The following KCNT1 variants were observed in gnomAD, a reference collection of about 807,000 sequenced individuals.
The protein encoded by KCNT1 is potassium sodium-activated channel subfamily T member 1.
In KCNT1, 78 loss-of-function variants were observed where a neutral mutation model predicts 147.8. The observed-to-expected ratio is 0.53, with a 90% CI of 0.44 to 0.64. The LOEUF (loss-of-function observed/expected upper bound fraction) is 0.64. Among genes scored for constraint, KCNT1 ranks in the 30% least tolerant of loss-of-function variants. The probability of loss-of-function intolerance (pLI) is 0.00; values close to 1 mark genes in which losing one functional copy is unlikely to be tolerated. For missense variants in KCNT1, 1,419 were observed against 1,750.3 expected (o/e 0.81, Z 3.38); for synonymous variants, 867 against 748.8 (o/e 1.16, Z -2.58).
chr9:135,777,033 T>C (rs1253845401), intron 20 of KCNT1, among the ~76,000 whole-genome samples: 2 of 152,344 alleles, frequency 1.3e-5, no homozygotes, highest in East Asian at 3.9e-4. Context: ...CGTGTGTGCA[T>C]ACACATGACA....
intron 21 of KCNT1, among the ~76,000 whole-genome samples, chr9:135,778,146 C>G (rs1019715253): frequency 6.6e-6 from 1 of 152,214 alleles, no homozygotes; most frequent in South Asian, 2.1e-4. Context: ...CTCCTGGGCA[C>G]CTTTTTGCCC....
intron 2 of KCNT1, among the ~76,000 whole-genome samples, chr9:135,720,769 G>A (rs995804329): frequency 2.0e-5 from 3 of 152,244 alleles, no homozygotes; most frequent in Non-Finnish European, 4.4e-5. Flanking sequence ...GTTTCTGCGT[G>A]AAGGCGTGAG....
chr9:135,767,353 G>A (rs1178536735), intron 13 of KCNT1, among the ~76,000 whole-genome samples: 3 of 152,200 alleles, frequency 2.0e-5, no homozygotes, highest in South Asian at 2.1e-4. Context: ...GGGCCCCTGC[G>A]GAGCAGACAG....
rs373489390 is a variant in KCNT1 at position 135,758,297 on chromosome 9, G to T, written c.760-117G>T. 8.8e-5 allele frequency: 67 copies of T among 758,348 alleles called. 1 individual carries two copies. In the East Asian group the frequency reaches 1.7e-3, roughly 19 times the overall value. 47.0% of individuals were successfully genotyped at this position (758,348 alleles called of 1,614,324 possible). On this transcript the variant is annotated intron_variant, in intron 9 of 30. Transcript: ENST00000371757. ...GGTACAGGCTGCCCCGTGGGCCTCA[G>T]CCGAGACGCAGGTGTGGCCGGGCCG...
At chr9:135,736,472 C>T (rs1050159462) in intron 2 of KCNT1, 1 of 152,150 alleles carries the variant, frequency 6.6e-6, no homozygotes, top group Non-Finnish European at 1.5e-5. Context: ...TGGTTTGAGC[C>T]GGGCAGTCCT....
rs1831065611 is a variant in KCNT1 at position 135,750,123 on chromosome 9, G to A, written c.280G>A (p.Glu94Lys). 3 of 1,613,788 alleles carry A rather than the reference G, an allele frequency of 1.9e-6. No homozygotes were observed. The highest frequency in any genetic ancestry group is 2.5e-6 in the Non-Finnish European group (3 of 1,179,918). ...GGTCCAGGTGGAGTTCTACGTCAAC[G>A]AGAACACCTTCAAGGAGCGGCTCAA... The part of the protein sequence containing the change: ...DRVQVEFYVN[E>K]NTFKERLKLF... The change falls in exon 3 of 31, where the codon GAG (glutamate) becomes AAG (lysine). Residue 94 changes from glutamate to lysine, a missense_variant. By Grantham distance (56) the Glu-to-Lys change is moderately conservative. Transcript: ENST00000371757.
intron 4 of KCNT1, 53 bp downstream of exon 4, chr9:135,751,094 TC>T: frequency 6.6e-7 from 1 of 1,517,148 alleles, no homozygotes; most frequent in Non-Finnish European, 9.1e-7. Context: ...GGCTGAGCCT[TC>T]CCACTGGGCC....
At chr9:135,717,774 A>C (rs903614977) in intron 2 of KCNT1, among the ~76,000 whole-genome samples, 1 of 152,220 alleles carries the variant, frequency 6.6e-6, no homozygotes, top group Admixed American at 6.5e-5. Flanking sequence ...CCTTGGTCTC[A>C]GCAGCAGCCT....
chr9:135,776,227 A>G (rs1318383), intron 20 of KCNT1, among the ~76,000 whole-genome samples: 111,244 of 151,752 alleles, frequency 0.73, 40,900 homozygotes, highest in South Asian at 0.8. Flanking sequence ...AGCGGCTTCA[A>G]CATCCCTCAG....
At chr9:135,786,050 G>A (rs1468944934) in intron 28 of KCNT1, 147 bp from the exon 29 acceptor site, 12 of 668,968 alleles carry the variant, frequency 1.8e-5, no homozygotes, top group African/African-American at 1.5e-4. Flanking sequence ...GGGGTCTGTC[G>A]TCGTCCTCTT....
chr9:135,748,652 C>T (rs1830975740), intron 2 of KCNT1, among the ~76,000 whole-genome samples: 1 of 152,246 alleles, frequency 6.6e-6, no homozygotes, highest in Admixed American at 6.5e-5. Flanking sequence ...GCCCTGGGAC[C>T]TCTGCTTGAA....
chr9:135,724,744 A>G lies in KCNT1; in HGVS notation c.254+10024A>G, dbSNP rs912393582. On this transcript the variant is annotated intron_variant, in intron 2 of 30. Transcript: ENST00000371757. ...CCTCACCAGGTGTGTCATGTATTTCATTGGGATCCCTAGCTCCGGCTGGGT... is the reference window on the plus strand; with the variant it reads ...CCTCACCAGGTGTGTCATGTATTTCGTTGGGATCCCTAGCTCCGGCTGGGT... 5.3e-5 allele frequency among the ~76,000 whole-genome samples: 8 copies of G among 152,202 alleles called. No homozygotes were observed. The East Asian group carries it at 1.2e-3, about 22-fold the overall frequency.
intron 2 of KCNT1, among the ~76,000 whole-genome samples, chr9:135,731,478 A>G (rs1372508666): frequency 1.3e-5 from 2 of 151,956 alleles, no homozygotes; most frequent in African/African-American, 2.4e-5. Context: ...CCACCCTTTC[A>G]TACGGCTTCT....
At position 135,771,090 on chromosome 9, in the gene KCNT1, C is replaced by T. The variant is rs768834841; in HGVS notation, c.2003C>T (p.Ser668Phe). 1 of 1,610,014 alleles carries T rather than the reference C, an allele frequency of 6.2e-7. No individual in the cohort carries two copies. The highest frequency in any genetic ancestry group is 8.5e-7 in the Non-Finnish European group (1 of 1,178,052). Residue 668 changes from serine (S) to phenylalanine (F), a missense_variant, in exon 18 of 31, where the codon TCC becomes TTC. Ser to Phe is a radical substitution (Grantham distance 155). Around this residue, in one of 5 missense-constraint regions of KCNT1, gnomAD observed 284 missense variants for 292.8 expected, o/e 0.97. Coordinates refer to ENST00000371757, the MANE Select transcript of KCNT1 (RefSeq NM_020822.3). Reference protein sequence around the residue: ...ARLPVHSIIASMGTVAMDLQG... With the variant: ...ARLPVHSIIAFMGTVAMDLQG... The stretch of plus-strand genomic sequence containing the variant: ...CTGCCCGTGCACAGCATCATCGCCT[C>T]CATGGGTGAGCCGGGACAGGCGCGC...
chr9:135,774,166 A>ATGTGTCCGTGTGTGTGATG (rs1466431468), intron 19 of KCNT1, among the ~76,000 whole-genome samples: 11 of 135,562 alleles, frequency 8.1e-5, no homozygotes, highest in African/African-American at 3.1e-4. Context: ...TGTGTGTGGT[A>ATGTGTCCGTGTGTGTGATG]TGTGTCCGTG....
At chr9:135,736,861 TG>T in intron 2 of KCNT1, 1 of 297,234 alleles carries the variant, frequency 3.4e-6, no homozygotes, top group Non-Finnish European at 6.2e-6. Context: ...CTGGCTGGGC[TG>T]CACCTGCGTT....
At chr9:135,747,601 G>A (rs1055329621) in intron 2 of KCNT1, among the ~76,000 whole-genome samples, 2 of 152,158 alleles carry the variant, frequency 1.3e-5, no homozygotes, top group East Asian at 1.9e-4. Context: ...AGACACTTAT[G>A]CAGGGAGGGG....
rs1280755203 is a variant in KCNT1 at position 135,794,091 on chromosome 9, C to T, written c.*1930C>T. 2.0e-5 allele frequency: 3 copies of T among 152,580 alleles called. No homozygotes were observed. The highest frequency in any genetic ancestry group is 7.2e-5 in the African/African-American group (3 of 41,598). The allele number at this position is 152,580 out of a possible 1,614,324, so 9.5% of individuals were successfully genotyped here. ...GAGGAGAAGGGAGAGAAAAGCCGGTCTGGCTGCTGGGATGGGAGGGCCACA... is the reference window on the plus strand; with the variant it reads ...GAGGAGAAGGGAGAGAAAAGCCGGTTTGGCTGCTGGGATGGGAGGGCCACA... On this transcript the variant is annotated 3_prime_UTR_variant, in exon 31 of 31. Coordinates refer to ENST00000371757, the MANE Select transcript of KCNT1 (RefSeq NM_020822.3).
chr9:135,704,206 C>T (rs1366968139), intron 1 of KCNT1, among the ~76,000 whole-genome samples: 1 of 152,190 alleles, frequency 6.6e-6, no homozygotes, highest in Non-Finnish European at 1.5e-5. Context: ...GAACCCAGGC[C>T]CTGGAGTCCA....
Sources: allele counts gnomAD v4.1 joint callset (sites outside exome capture counted in the v4.1 genomes callset), GRCh38; gene constraint gnomAD v4.1.1; regional missense constraint gnomAD v4.1.1; transcripts MANE v1.5; gene names NCBI Gene and HGNC (gene_info 2026-07-23, HGNC 2026-07-21).